The following GCNT2 variants were observed in gnomAD, a reference collection of about 807,000 sequenced individuals.
GCNT2 encodes the protein glucosaminyl (N-acetyl) transferase 2 (I blood group).
GCNT2 carries 34 observed loss-of-function variants against 34.2 expected under a neutral mutation model. The ratio of observed to expected loss-of-function variants is 1.00; its 90% confidence interval spans 0.76 to 1.32. The LOEUF is 1.32. Ranked by LOEUF, GCNT2 falls within the 40% of genes most tolerant of loss-of-function variation. The pLI is 0.00. For synonymous variants in GCNT2, 212 were observed against 188.0 expected (o/e 1.13, Z -1.04); for missense variants, 584 against 489.4 (o/e 1.19, Z -1.82).
chr6:10,598,008 C>T (rs1367013291), intron 3 of GCNT2, among the ~76,000 whole-genome samples: 1 of 152,154 alleles, frequency 6.6e-6, no homozygotes, highest in Non-Finnish European at 1.5e-5. Context: ...TAAATTTTAA[C>T]CTTTGTCTGT....
intron 3 of GCNT2, among the ~76,000 whole-genome samples, chr6:10,551,646 T>A (rs1417071498): frequency 6.6e-6 from 1 of 152,022 alleles, no homozygotes; most frequent in East Asian, 1.9e-4. Flanking sequence ...GGTTTCACCA[T>A]CTTGGCCAGG....
chr6:10,616,179 T>G (rs1208702690), intron 3 of GCNT2, among the ~76,000 whole-genome samples: 1 of 152,182 alleles, frequency 6.6e-6, no homozygotes, highest in African/African-American at 2.4e-5. Flanking sequence ...ACCTTTGCAG[T>G]GAGCGTTATA....
intron 3 of GCNT2, chr6:10,585,881 A>G: frequency 6.4e-7 from 1 of 1,570,100 alleles, no homozygotes; most frequent in Non-Finnish European, 8.6e-7. Context: ...AGCCCTCCGG[A>G]GAAGCTGTCG....
rs911148539 is a variant in GCNT2 at position 10,573,208 on chromosome 6, G to T, written c.925+43372G>T. 5 of 983,914 alleles carry T rather than the reference G, an allele frequency of 5.1e-6. No individual in the cohort carries two copies. The African/African-American group carries it at 8.7e-5, about 17-fold the overall frequency. 60.9% of individuals were successfully genotyped at this position (983,914 alleles called of 1,614,324 possible). On this transcript the variant is annotated intron_variant, in intron 3 of 4. Coordinates refer to ENST00000495262, the MANE Select transcript of GCNT2 (RefSeq NM_145649.5). ...CTGGATTGTCAAATAGTGTCTCTTG[G>T]AACTTCTCAACTTCTTTTTCCTCGG...
intron 4 of GCNT2, among the ~76,000 whole-genome samples, chr6:10,624,072 A>T (rs1378017677): frequency 3.9e-5 from 6 of 151,998 alleles, no homozygotes; most frequent in African/African-American, 1.4e-4. Flanking sequence ...AGACAAACCC[A>T]CCATTGGGTC....
At chr6:10,590,205 C>T (rs1416732091) in intron 3 of GCNT2, among the ~76,000 whole-genome samples, 1 of 151,270 alleles carries the variant, frequency 6.6e-6, no homozygotes, top group Non-Finnish European at 1.5e-5. Context: ...TCAGTCCAGC[C>T]TGGGCAACAT....
At chr6:10,562,670 A>AAC (rs1554130707) in intron 3 of GCNT2, among the ~76,000 whole-genome samples, 8 of 149,634 alleles carry the variant, frequency 5.3e-5, no homozygotes, top group African/African-American at 1.7e-4. Flanking sequence ...AAAAAAAAAA[A>AAC]AAAAAAACAA....
chr6:10,546,593 A>G (rs889966912), intron 3 of GCNT2, among the ~76,000 whole-genome samples: 9 of 152,128 alleles, frequency 5.9e-5, no homozygotes, highest in Admixed American at 1.3e-4. Flanking sequence ...CAGGGGGCGG[A>G]GGTTGCAGTG....
intron 3 of GCNT2, among the ~76,000 whole-genome samples, chr6:10,534,870 A>G (rs927775341): frequency 6.6e-6 from 1 of 152,054 alleles, no homozygotes; most frequent in Non-Finnish European, 1.5e-5. Context: ...CAAAAAATGG[A>G]TAAATAAATA....
At chr6:10,576,543 C>A (rs1454950338) in intron 3 of GCNT2, among the ~76,000 whole-genome samples, 1 of 151,988 alleles carries the variant, frequency 6.6e-6, no homozygotes, top group Non-Finnish European at 1.5e-5. Flanking sequence ...AAAATCTATT[C>A]AAGGAGGCTG....
chr6:10,626,597 G>T lies in GCNT2; in HGVS notation c.1199G>T (p.Trp400Leu), dbSNP rs1343826992. Residue 400 changes from tryptophan (W) to leucine (L), a missense_variant, in exon 5 of 5, where the codon TGG becomes TTG. Trp to Leu is a moderately conservative substitution (Grantham distance 61, BLOSUM62 -2). Coordinates refer to ENST00000495262, the MANE Select transcript of GCNT2 (RefSeq NM_145649.5). ...AGTGAAACTGCGATACAACCCAGCT[G>T]GTATTTTTGAGCTATTCATGAGCTA... ...NQSETAIQPSWYF is the reference protein window; with the variant it reads ...NQSETAIQPSLYF The T allele has an allele frequency of 6.2e-7, 1 of 1,613,104 alleles. No individual in the cohort carries two copies. The highest frequency in any genetic ancestry group is 1.3e-5 in the African/African-American group (1 of 75,014).
In GCNT2 at chr6:10,612,384, C is replaced by T. The variant is rs117523939; in HGVS notation, c.926-8967C>T. Among the ~76,000 whole-genome samples, 1,536 of 152,210 alleles carry T rather than the reference C, an allele frequency of 0.01. 53 individuals are homozygous for T. The East Asian group carries it at 0.12, about 12-fold the overall frequency. ...AATGTCTGGAGAGATTTTGGTCTGT[C>T]ACATCTGTGGTTGGGGACCTGCTAC... On this transcript the variant is annotated intron_variant, in intron 3 of 4. Transcript: ENST00000495262.
In GCNT2 at chr6:10,567,414, G is replaced by T. The variant is rs541161340; in HGVS notation, c.925+37578G>T. On this transcript the variant is annotated intron_variant, in intron 3 of 4. Coordinates refer to ENST00000495262, the MANE Select transcript of GCNT2 (RefSeq NM_145649.5). ...GAAGGCTGCAATGAGCTAGGATGGC[G>T]CCACTGCATTCCAGCCCTGGCAACA... Among the ~76,000 whole-genome samples the T allele has an allele frequency of 3.3e-5, 5 of 152,282 alleles. No homozygotes were observed. The South Asian group carries it at 1.0e-3, about 32-fold the overall frequency.
intron 3 of GCNT2, among the ~76,000 whole-genome samples, chr6:10,617,324 C>T (rs1394984895): frequency 6.6e-6 from 1 of 152,204 alleles, no homozygotes; most frequent in Non-Finnish European, 1.5e-5. Flanking sequence ...TGGGCGCCCC[C>T]AGCCCACGCC....
intron 3 of GCNT2, chr6:10,575,127 T>C (rs1763745132): frequency 4.4e-6 from 2 of 455,026 alleles, no homozygotes; most frequent in Middle Eastern, 8.4e-4. Flanking sequence ...ACCTTTCTTA[T>C]AGATTCACAT....
intron 3 of GCNT2, among the ~76,000 whole-genome samples, chr6:10,583,922 A>C (rs57273991): frequency 6.6e-6 from 1 of 152,066 alleles, no homozygotes; most frequent in South Asian, 2.1e-4. Context: ...ATGCAAACTT[A>C]GGTGTGTTTG....
chr6:10,605,315 A>G (rs1581474123), intron 3 of GCNT2, among the ~76,000 whole-genome samples: 1 of 145,910 alleles, frequency 6.9e-6, no homozygotes. Flanking sequence ...TCCCAGGCTC[A>G]AGCCATCCCC....
At chr6:10,552,396 C>T (rs1762524109) in intron 3 of GCNT2, among the ~76,000 whole-genome samples, 1 of 151,976 alleles carries the variant, frequency 6.6e-6, no homozygotes, top group Non-Finnish European at 1.5e-5. Context: ...TGGATTCAAC[C>T]AACCTCAGCA....
chr6:10,581,274 A>G (rs890306968), intron 3 of GCNT2, among the ~76,000 whole-genome samples: 1 of 151,950 alleles, frequency 6.6e-6, no homozygotes, highest in African/African-American at 2.4e-5. Context: ...TTTATTTTTT[A>G]TTTTTTATTT....
Sources: gnomAD v4.1 joint callset for allele counts (sites outside exome capture counted in the v4.1 genomes callset) on GRCh38, gnomAD v4.1.1 for gene constraint, MANE v1.5 for transcripts, NCBI Gene and HGNC (gene_info 2026-07-23, HGNC 2026-07-21) for gene names.